MAML3: variants seen among roughly 807,000 people sequenced by gnomAD.
MAML3 encodes the protein mastermind-like protein 3.
MAML3 carries 27 observed loss-of-function variants against 101.9 expected under a neutral mutation model. That is an observed-to-expected ratio of 0.27 (90% confidence interval 0.20 to 0.37). MAML3 has a LOEUF of 0.37. MAML3 is among the 10% of genes least tolerant of loss of function. MAML3 has a pLI of 1.00. For synonymous variants in MAML3, 501 were observed against 555.9 expected (o/e 0.90, Z 1.39); for missense variants, 1,316 against 1,444.9 (o/e 0.91, Z 1.45).
chr4:139,797,599 G>A (rs1037766551), intron 2 of MAML3, among the ~76,000 whole-genome samples: 1 of 152,132 alleles, frequency 6.6e-6, no homozygotes, highest in African/African-American at 2.4e-5. Context: ...TGAGCACAGA[G>A]AGGCAGAGAC....
Position 139,730,675 on chromosome 4 carries a change from G to C in MAML3, c.2080-8C>G, listed in dbSNP as rs1164892537. The C allele has an allele frequency of 6.2e-7, 1 of 1,608,674 alleles. No individual in the cohort carries two copies. On this transcript the variant is annotated splice_polypyrimidine_tract_variant and splice_region_variant and intron_variant, in intron 2 of 4. Coordinates refer to ENST00000509479, the MANE Select transcript of MAML3 (RefSeq NM_018717.5). ...TCCAACTGGATGCTGCTCCTGGGAAGACAAGAGAGAGGGAGATGCAGGGAT... is the reference window on the plus strand; with the variant it reads ...TCCAACTGGATGCTGCTCCTGGGAACACAAGAGAGAGGGAGATGCAGGGAT...
At chr4:140,050,436 C>G (rs1727248689) in intron 1 of MAML3, among the ~76,000 whole-genome samples, 1 of 152,018 alleles carries the variant, frequency 6.6e-6, no homozygotes, top group Admixed American at 6.6e-5. Context: ...CTCTGTCTGC[C>G]CTTCTAAACC....
chr4:140,012,538 A>T (rs1726579152), intron 1 of MAML3, among the ~76,000 whole-genome samples: 1 of 152,208 alleles, frequency 6.6e-6, no homozygotes, highest in South Asian at 2.1e-4. Flanking sequence ...TTCTAAAGTG[A>T]CCACCACATC....
intron 1 of MAML3, among the ~76,000 whole-genome samples, chr4:140,093,578 T>C (rs1018901388): frequency 2.6e-5 from 4 of 151,714 alleles, no homozygotes; most frequent in Non-Finnish European, 2.9e-5. Context: ...CACCACGCCC[T>C]GCTAATTTTT....
At chr4:139,742,297 T>C (rs1274367848) in intron 2 of MAML3, among the ~76,000 whole-genome samples, 1 of 152,122 alleles carries the variant, frequency 6.6e-6, no homozygotes, top group Non-Finnish European at 1.5e-5. Context: ...TACAGGCGTG[T>C]GCCACCACGC....
At chr4:140,091,543 C>G (rs55684475) in intron 1 of MAML3, among the ~76,000 whole-genome samples, 1 of 108,266 alleles carries the variant, frequency 9.2e-6, no homozygotes, top group African/African-American at 3.5e-5. Flanking sequence ...AAAACAAAAA[C>G]AAAACAAAAA....
At chr4:139,957,285 C>T (rs559952341) in intron 1 of MAML3, among the ~76,000 whole-genome samples, 6 of 152,286 alleles carry the variant, frequency 3.9e-5, no homozygotes, top group African/African-American at 7.2e-5. Flanking sequence ...TTACAGGTGA[C>T]GAAGCAGAGG....
intron 1 of MAML3, among the ~76,000 whole-genome samples, chr4:140,072,419 C>A (rs1245565752): frequency 6.6e-6 from 1 of 151,994 alleles, no homozygotes; most frequent in Non-Finnish European, 1.5e-5. Context: ...GCCTGTAATC[C>A]CAGCACTTTG....
intron 1 of MAML3, among the ~76,000 whole-genome samples, chr4:139,902,673 G>GC (rs1489625426): frequency 1.3e-5 from 2 of 152,190 alleles, no homozygotes; most frequent in African/African-American, 4.8e-5. Context: ...CTGGAGCCTG[G>GC]CGGCAGAGCT....
At chr4:140,041,199 A>G (rs1224631259) in intron 1 of MAML3, among the ~76,000 whole-genome samples, 1 of 152,256 alleles carries the variant, frequency 6.6e-6, no homozygotes, top group African/African-American at 2.4e-5. Flanking sequence ...ACATTCTGTG[A>G]GTGGGTCTTG....
chr4:139,730,566 G>A lies in MAML3; in HGVS notation c.2181C>T (p.Pro727=), dbSNP rs546054334. Residue 727 remains proline, a synonymous_variant, in exon 3 of 5, where the codon CCC becomes CCT. Coordinates refer to ENST00000509479, the MANE Select transcript of MAML3 (RefSeq NM_018717.5). ...CTTGGGGCTGGCTGCCCAGGAAGCCGGGGCCTGCGGGACTGGCTCCTGAGA... is the reference window on the plus strand; with the variant it reads ...CTTGGGGCTGGCTGCCCAGGAAGCCAGGGCCTGCGGGACTGGCTCCTGAGA... The part of the protein sequence containing the change: ...GMVSGASPAG[P]GFLGSQPQAA... 4.3e-5 allele frequency: 68 copies of A among 1,598,248 alleles called. No individual in the cohort carries two copies. Among genetic ancestry groups the A allele is most frequent in the East Asian group, 6.8e-5 (3 of 44,138 alleles).
At chr4:139,739,628 CAT>C (rs1305725786) in intron 2 of MAML3, among the ~76,000 whole-genome samples, 2 of 145,630 alleles carry the variant, frequency 1.4e-5, no homozygotes, top group Admixed American at 7.0e-5. Context: ...TATCTAATCA[CAT>C]AGGAAAAAGC....
In MAML3 at chr4:139,890,012, T is replaced by G. The variant is rs1474402778; in HGVS notation, c.1424A>C (p.Gln475Pro). ...CTGCATGAGTTTGGCCCTTTGTTGC[T>G]GCTGTGCAGCCATCTGTTTGAGCTG... ...AEQLKQMAAQQQQRAKLMQQK... is the reference protein window; with the variant it reads ...AEQLKQMAAQPQQRAKLMQQK... Residue 475 changes from glutamine to proline, a missense_variant, in exon 2 of 5, where the codon CAG (glutamine) becomes CCG (proline). Physicochemically the swap from Gln to Pro is moderately conservative, Grantham distance 76 (BLOSUM62 -1). Coordinates refer to ENST00000509479, the MANE Select transcript of MAML3 (RefSeq NM_018717.5). The surrounding 1 kb of genome is among the most constrained non-coding windows in gnomAD (Gnocchi z 4.1). 1 of 1,610,570 alleles carries G rather than the reference T, an allele frequency of 6.2e-7. No individual in the cohort carries two copies. The highest frequency in any genetic ancestry group is 8.5e-7 in the Non-Finnish European group (1 of 1,178,072).
intron 1 of MAML3, among the ~76,000 whole-genome samples, chr4:139,960,004 A>G (rs1322338435): frequency 1.3e-5 from 2 of 152,218 alleles, no homozygotes; most frequent in African/African-American, 4.8e-5. Context: ...AGCAGAGACT[A>G]TCATTTAGCT....
At chr4:139,963,222 T>C (rs1734056052) in intron 1 of MAML3, among the ~76,000 whole-genome samples, 1 of 152,128 alleles carries the variant, frequency 6.6e-6, no homozygotes, top group Non-Finnish European at 1.5e-5. Context: ...AGTTCAAGAC[T>C]AGCTTGGGCA....
intron 2 of MAML3, among the ~76,000 whole-genome samples, chr4:139,875,459 T>C (rs770423415): frequency 2.0e-5 from 3 of 152,214 alleles, no homozygotes; most frequent in Non-Finnish European, 4.4e-5. Context: ...ATTATTCATG[T>C]TCACGTGGAG....
chr4:139,978,957 CTTTCAAAGAGCTCTATGACTAG>C (rs1285066735), intron 1 of MAML3, among the ~76,000 whole-genome samples: 2 of 68,728 alleles, frequency 2.9e-5, no homozygotes, highest in African/African-American at 4.0e-5. Context: ...TCTATGACTA[CTTTCAAAGAGCTCTATGACTAG>C]TTACCTTAGA....
At chr4:139,728,338 T>C (rs2175456) in intron 3 of MAML3, among the ~76,000 whole-genome samples, 129,780 of 152,246 alleles carry the variant, frequency 0.85, 55,358 homozygotes, top group Admixed American at 0.87. Flanking sequence ...GGCTGGGCCA[T>C]GTGGCTGCAG....
At chr4:139,765,285 T>C (rs1169697299) in intron 2 of MAML3, among the ~76,000 whole-genome samples, 1 of 152,270 alleles carries the variant, frequency 6.6e-6, no homozygotes, top group Non-Finnish European at 1.5e-5. Context: ...TGGAAGGGAA[T>C]ATTAAAAATG....
Sources: allele counts gnomAD v4.1 joint callset (sites outside exome capture counted in the v4.1 genomes callset), GRCh38; gene constraint gnomAD v4.1.1; non-coding constraint Gnocchi (gnomAD v3.1); transcripts MANE v1.5; gene names NCBI Gene and HGNC (gene_info 2026-07-23, HGNC 2026-07-21).